The following POLA1 variants were observed in gnomAD, a reference collection of about 807,000 sequenced individuals.
POLA1 encodes the protein DNA polymerase alpha 1, catalytic subunit, also known as DNA polymerase alpha catalytic subunit.
In POLA1, 15 loss-of-function variants were observed where a neutral mutation model predicts 124.0. That is an observed-to-expected ratio of 0.12 (90% CI 0.08 to 0.19). POLA1 has a LOEUF of 0.19. POLA1 is among the 10% of genes least tolerant of loss of function. The pLI is 1.00. For missense variants in POLA1, 886 were observed against 1,103.4 expected, an observed-to-expected ratio of 0.80 and a Z score of 2.79; for synonymous variants, 408 against 389.4, an observed-to-expected ratio of 1.05 and a Z score of -0.56.
chrX:24,937,774 A>G (rs1351549717), intron 36 of POLA1, among the ~76,000 whole-genome samples: 2 of 112,017 alleles, frequency 1.8e-5, no homozygotes, highest in Non-Finnish European at 3.8e-5. Context: ...TTAAAGTTTC[A>G]GAAGCACTGA....
At chrX:24,975,042 C>T (rs948760666) in intron 36 of POLA1, among the ~76,000 whole-genome samples, 7 of 112,277 alleles carry the variant, frequency 6.2e-5, no homozygotes, top group South Asian at 3.7e-4. Context: ...GATGAAGTCT[C>T]GCTCTGTCAC....
intron 3 of POLA1, 39 bp downstream of exon 3, chrX:24,703,386 T>C: frequency 1.1e-6 from 1 of 950,585 alleles, no homozygotes; most frequent in Non-Finnish European, 1.5e-6. Flanking sequence ...TGTTGCTTCC[T>C]AGGCACTGTG....
At chrX:24,990,124 A>G (rs1028602544) in intron 36 of POLA1, among the ~76,000 whole-genome samples, 1 of 112,330 alleles carries the variant, frequency 8.9e-6, no homozygotes, top group Admixed American at 9.4e-5. Context: ...ACCTGATTGC[A>G]GGTAACAGAG....
chrX:24,839,813 C>T (rs767669823), intron 32 of POLA1, among the ~76,000 whole-genome samples: 2 of 112,163 alleles, frequency 1.8e-5, no homozygotes, highest in South Asian at 3.7e-4. Context: ...AAGCTGCTTT[C>T]TCATAATTGC....
At chrX:24,741,644 TA>T in intron 21 of POLA1, 140 bp downstream of exon 21, 2 of 577,807 alleles carry the variant, frequency 3.5e-6, no homozygotes, top group South Asian at 6.6e-5. Flanking sequence ...ATTTCTTTTG[TA>T]AAAGGAAGAA....
In POLA1 at chrX:24,815,550, T is replaced by C. The variant is rs776832349; in HGVS notation, c.3429+439T>C. 1.2e-4 allele frequency among the ~76,000 whole-genome samples: 13 copies of C among 111,853 alleles called. No individual in the cohort carries two copies. In the East Asian group the frequency reaches 3.4e-3, roughly 29 times the overall value. On this transcript the variant is annotated intron_variant, in intron 30 of 36. Transcript: ENST00000379068. The stretch of plus-strand genomic sequence containing the variant: ...TTTAACTTCACAGATGGTGATTCTT[T>C]TGGGGACAAAAGTTATTTAGGGACA...
At chrX:24,880,595 AT>A (rs1414281421) in intron 34 of POLA1, among the ~76,000 whole-genome samples, 1 of 111,577 alleles carries the variant, frequency 9.0e-6, no homozygotes. Flanking sequence ...TCTTAGGGAA[AT>A]TTTCTCCCAG....
intron 32 of POLA1, among the ~76,000 whole-genome samples, chrX:24,837,121 C>A (rs746338236): frequency 9.0e-6 from 1 of 111,299 alleles, no homozygotes; most frequent in Admixed American, 9.6e-5. Flanking sequence ...ATTTGGCATG[C>A]TTTTTAAGAG....
intron 4 of POLA1, among the ~76,000 whole-genome samples, chrX:24,708,779 C>T (rs1301651935): frequency 2.9e-5 from 2 of 70,034 alleles, no homozygotes; most frequent in Non-Finnish European, 5.7e-5. Context: ...TCTCCCATGT[C>T]TTCTACTTTC....
At chrX:24,859,841 A>G (rs2046694001) in intron 34 of POLA1, among the ~76,000 whole-genome samples, 1 of 112,546 alleles carries the variant, frequency 8.9e-6, no homozygotes, top group African/African-American at 3.2e-5. Context: ...TTTTATTGTT[A>G]ATGACTTCAC....
chrX:24,873,884 A>G (rs141125206), intron 34 of POLA1, among the ~76,000 whole-genome samples: 1,934 of 112,144 alleles, frequency 0.017, 13 homozygotes, highest in Non-Finnish European at 0.028. Context: ...AAACTATTTT[A>G]TAGTCTCCTT....
At chrX:24,849,689 G>A (rs367976276) in intron 34 of POLA1, among the ~76,000 whole-genome samples, 106 of 104,768 alleles carry the variant, frequency 1.0e-3, no homozygotes, top group African/African-American at 3.5e-3. Flanking sequence ...GGAGTGCAGT[G>A]GTGCAATCTC....
intron 34 of POLA1, among the ~76,000 whole-genome samples, chrX:24,852,643 C>T (rs763658400): frequency 8.9e-6 from 1 of 111,967 alleles, no homozygotes; most frequent in Non-Finnish European, 1.9e-5. Context: ...CAGTGTATAA[C>T]TTTTTGTCTT....
At chrX:24,786,409 A>T (rs1290533352) in intron 26 of POLA1, among the ~76,000 whole-genome samples, 1 of 111,993 alleles carries the variant, frequency 8.9e-6, no homozygotes, top group East Asian at 2.8e-4. Context: ...ATGATTAGTG[A>T]TGTTGAGTAC....
At chrX:24,947,029 A>T (rs1444564381) in intron 36 of POLA1, among the ~76,000 whole-genome samples, 5 of 110,829 alleles carry the variant, frequency 4.5e-5, no homozygotes, top group Admixed American at 3.9e-4. Flanking sequence ...CTGTGATATC[A>T]TGTATCTCCA....
At chrX:24,801,924 G>GGGGTGTGTGTGT (rs759368851) in intron 26 of POLA1, among the ~76,000 whole-genome samples, 112 of 74,542 alleles carry the variant, frequency 1.5e-3, no homozygotes, top group African/African-American at 5.4e-3. Context: ...GAGGTGGGTG[G>GGGGTGTGTGTGT]GTGTGTGTGT....
chrX:24,855,032 C>T (rs375954196), intron 34 of POLA1, among the ~76,000 whole-genome samples: 2 of 110,493 alleles, frequency 1.8e-5, no homozygotes, highest in African/African-American at 3.3e-5. Flanking sequence ...TAAATGTTAA[C>T]GGGGGAGAAA....
chrX:24,861,165 TC>T (rs1205495640), intron 34 of POLA1, among the ~76,000 whole-genome samples: 2 of 112,276 alleles, frequency 1.8e-5, no homozygotes, highest in Non-Finnish European at 3.8e-5. Context: ...GGGTTTCCAC[TC>T]CCTTTGCCCA....
intron 26 of POLA1, among the ~76,000 whole-genome samples, chrX:24,771,792 G>A (rs1474943178): frequency 9.0e-6 from 1 of 111,626 alleles, no homozygotes; most frequent in East Asian, 2.8e-4. Flanking sequence ...AGTTTTAAAA[G>A]TTAAAAGCAG....
Sources: allele counts gnomAD v4.1 joint callset (sites outside exome capture counted in the v4.1 genomes callset), GRCh38; gene constraint gnomAD v4.1.1; transcripts MANE v1.5; gene names NCBI Gene and HGNC (gene_info 2026-07-23, HGNC 2026-07-21).